Variants in CADM2 observed in about 807,000 individuals in gnomAD.
The protein encoded by CADM2 is immunoglobulin superfamily member 4D.
In CADM2, 12 loss-of-function variants were observed where a neutral mutation model predicts 49.8. The ratio of observed to expected loss-of-function variants is 0.24; its 90% CI spans 0.15 to 0.39. CADM2 has a LOEUF of 0.39. CADM2 is among the 10% of genes least tolerant of loss of function. The probability of loss-of-function intolerance (pLI) is 1.00; values close to 1 mark genes in which losing one functional copy is unlikely to be tolerated. For synonymous variants in CADM2, 214 were observed against 175.4 expected (o/e 1.22, Z -1.74); for missense variants, 378 against 492.3 (o/e 0.77, Z 2.20).
chr3:85,856,609 A>C (rs1044836310), intron 3 of CADM2, among the ~76,000 whole-genome samples: 1 of 152,206 alleles, frequency 6.6e-6, no homozygotes, highest in Non-Finnish European at 1.5e-5. Context: ...GCATCAATAT[A>C]TTATGCTTAA....
chr3:85,859,169 A>G (rs2075423915), intron 3 of CADM2, among the ~76,000 whole-genome samples: 1 of 145,594 alleles, frequency 6.9e-6, no homozygotes, highest in Admixed American at 6.8e-5. Flanking sequence ...TTCTTTCTGT[A>G]TGTAAACATA....
chr3:85,198,762 C>T (rs546461400), intron 1 of CADM2, among the ~76,000 whole-genome samples: 1 of 151,446 alleles, frequency 6.6e-6, no homozygotes, highest in Non-Finnish European at 1.5e-5. Context: ...TTAAGTTGTC[C>T]CTTCTACATT....
chr3:85,319,165 G>A (rs2044540672), intron 1 of CADM2, among the ~76,000 whole-genome samples: 1 of 152,128 alleles, frequency 6.6e-6, no homozygotes, highest in Admixed American at 6.6e-5. Flanking sequence ...AATGCTAACT[G>A]TCATTTATTT....
At chr3:85,592,125 A>C (rs2063123776) in intron 1 of CADM2, among the ~76,000 whole-genome samples, 1 of 152,026 alleles carries the variant, frequency 6.6e-6, no homozygotes. Flanking sequence ...TTATAATATG[A>C]TTTAAAAAAG....
intron 1 of CADM2, among the ~76,000 whole-genome samples, chr3:85,111,292 A>C (rs369734429): frequency 6.6e-6 from 1 of 151,816 alleles, no homozygotes; most frequent in South Asian, 2.1e-4. Flanking sequence ...TTTGCTTTAA[A>C]TTTTTTTAAA....
At chr3:85,154,474 G>A (rs1326298698) in intron 1 of CADM2, among the ~76,000 whole-genome samples, 2 of 152,160 alleles carry the variant, frequency 1.3e-5, no homozygotes, top group Admixed American at 1.3e-4. Context: ...TGGTGTACTT[G>A]AAAGTGACGG....
chr3:85,718,608 A>G (rs1283092544), intron 1 of CADM2, among the ~76,000 whole-genome samples: 1 of 152,170 alleles, frequency 6.6e-6, no homozygotes, highest in Non-Finnish European at 1.5e-5. Flanking sequence ...CAAAAGGAAT[A>G]AATATAGAAA....
intron 1 of CADM2, among the ~76,000 whole-genome samples, chr3:84,989,926 A>G (rs1157825324): frequency 6.6e-6 from 1 of 151,960 alleles, no homozygotes; most frequent in Admixed American, 6.6e-5. Flanking sequence ...AGTAAAAGAA[A>G]AAAGTTATTT....
chr3:85,124,732 C>G (rs2038971554), intron 1 of CADM2, among the ~76,000 whole-genome samples: 1 of 152,120 alleles, frequency 6.6e-6, no homozygotes, highest in Non-Finnish European at 1.5e-5. Context: ...AAAAGGTGCT[C>G]AGAGTAATTG....
chr3:85,234,756 A>G (rs2042374496), intron 1 of CADM2, among the ~76,000 whole-genome samples: 1 of 152,172 alleles, frequency 6.6e-6, no homozygotes, highest in South Asian at 2.1e-4. Flanking sequence ...TCTCCAGAGT[A>G]GTAGTACTCT....
chr3:85,078,881 T>G (rs1248478099), intron 1 of CADM2, among the ~76,000 whole-genome samples: 5 of 151,830 alleles, frequency 3.3e-5, no homozygotes, highest in Admixed American at 6.6e-5. Flanking sequence ...TTAGGTAGTC[T>G]GCACTTCCAG....
chr3:86,028,524 C>T (rs1356871983), intron 8 of CADM2, among the ~76,000 whole-genome samples: 1 of 152,078 alleles, frequency 6.6e-6, no homozygotes, highest in East Asian at 1.9e-4. Flanking sequence ...AATGTTTCCC[C>T]AAAATATATT....
intron 1 of CADM2, among the ~76,000 whole-genome samples, chr3:84,961,049 A>G (rs1353758972): frequency 1.3e-5 from 2 of 152,064 alleles, no homozygotes; most frequent in Admixed American, 6.6e-5. Context: ...TCCTTCTGTC[A>G]TTATTTGGGT....
chr3:85,541,403 A>G (rs908163606), intron 1 of CADM2, among the ~76,000 whole-genome samples: 1 of 151,316 alleles, frequency 6.6e-6, no homozygotes, highest in Admixed American at 6.6e-5. Flanking sequence ...TTTTTATGAT[A>G]AGTATAAAGT....
At chr3:85,760,358 G>C (rs1437236863) in intron 2 of CADM2, among the ~76,000 whole-genome samples, 1 of 150,074 alleles carries the variant, frequency 6.7e-6, no homozygotes, top group Non-Finnish European at 1.5e-5. Context: ...TTTCGTTTAA[G>C]AAAATCATTT....
chr3:85,095,519 TAAAC>T (rs952986830), intron 1 of CADM2, among the ~76,000 whole-genome samples: 3 of 152,148 alleles, frequency 2.0e-5, no homozygotes, highest in Non-Finnish European at 2.9e-5. Flanking sequence ...TACCGATCCT[TAAAC>T]AAATACTTAT....
intron 1 of CADM2, among the ~76,000 whole-genome samples, chr3:85,149,285 A>G (rs77165036): frequency 0.087 from 13,191 of 152,122 alleles, 1,123 homozygotes; most frequent in Admixed American, 0.25. Context: ...ACACAGCAAG[A>G]AGGACCTTGT....
chr3:85,311,384 TA>T (rs1013154912), intron 1 of CADM2, among the ~76,000 whole-genome samples: 39 of 148,888 alleles, frequency 2.6e-4, no homozygotes, highest in African/African-American at 6.6e-4. Flanking sequence ...TTATTATTAT[TA>T]TTTTTTTTGA....
chr3:85,763,580 G>A (rs1018363510), intron 2 of CADM2, among the ~76,000 whole-genome samples: 1 of 152,112 alleles, frequency 6.6e-6, no homozygotes, highest in African/African-American at 2.4e-5. Context: ...ATTTCTTACA[G>A]CATTTAAGTG....
Sources: allele counts gnomAD v4.1 joint callset (sites outside exome capture counted in the v4.1 genomes callset), GRCh38; gene constraint gnomAD v4.1.1; transcripts MANE v1.5; gene names NCBI Gene and HGNC (gene_info 2026-07-23, HGNC 2026-07-21).